REXO5: variants seen among roughly 807,000 people sequenced by gnomAD.
REXO5 encodes the protein exonuclease NEF-sp.
Under a neutral mutation model 88.5 loss-of-function variants are expected in REXO5, and 48 were observed. That is an observed-to-expected ratio of 0.54 (90% CI 0.43 to 0.69). The LOEUF (loss-of-function observed/expected upper bound fraction) is 0.69, where lower values mean the gene tolerates loss of function less well. Among genes scored for constraint, REXO5 ranks in the 30% least tolerant of loss-of-function variants. The pLI is 0.00. For synonymous variants in REXO5, 311 were observed against 336.5 expected, an observed-to-expected ratio of 0.92 and a Z score of 0.83; for missense variants, 749 against 912.2, an observed-to-expected ratio of 0.82 and a Z score of 2.30.
chr16:20,820,523 T>G (rs1366120265), intron 5 of REXO5, among the ~76,000 whole-genome samples: 3 of 5,260 alleles, frequency 5.7e-4, no homozygotes, highest in Non-Finnish European at 1.4e-3. Context: ...TATATATATA[T>G]ATATATATAT....
intron 11 of REXO5, among the ~76,000 whole-genome samples, chr16:20,828,914 A>G (rs1379423155): frequency 1.3e-5 from 2 of 151,548 alleles, no homozygotes; most frequent in African/African-American, 4.9e-5. Context: ...ACTGCACTCC[A>G]GCTTAGGTGA....
intron 18 of REXO5, among the ~76,000 whole-genome samples, chr16:20,845,549 G>A (rs998616457): frequency 3.9e-5 from 6 of 152,198 alleles, no homozygotes; most frequent in African/African-American, 1.2e-4. Context: ...ATATACACAA[G>A]ATAAATTGTG....
At chr16:20,813,344 C>CTTTTTTTTT (rs56875427) in intron 3 of REXO5, 42 bp downstream of exon 3, 5 of 643,994 alleles carry the variant, frequency 7.8e-6, no homozygotes, top group Admixed American at 3.3e-5. Flanking sequence ...CCAGCGGTTT[C>CTTTTTTTTT]TTTTTTTTTT....
intron 15 of REXO5, among the ~76,000 whole-genome samples, chr16:20,841,670 T>A (rs1156532589): frequency 6.6e-6 from 1 of 152,204 alleles, no homozygotes; most frequent in Non-Finnish European, 1.5e-5. Context: ...AGTGGTGCCA[T>A]CTTGGCTCAC....
chr16:20,830,838 A>G (rs1283786720), intron 11 of REXO5, among the ~76,000 whole-genome samples: 1 of 152,098 alleles, frequency 6.6e-6, no homozygotes, highest in African/African-American at 2.4e-5. Flanking sequence ...CAGGGGTTAC[A>G]CTTTTATAGT....
At chr16:20,847,419 G>A (rs1380826471) in intron 19 of REXO5, among the ~76,000 whole-genome samples, 6 of 141,152 alleles carry the variant, frequency 4.3e-5, no homozygotes, top group Admixed American at 2.2e-4. Flanking sequence ...CTGGGCTACA[G>A]AGTAAGACTC....
At chr16:20,812,771 G>A (rs1283590249) in intron 2 of REXO5, among the ~76,000 whole-genome samples, 1 of 152,120 alleles carries the variant, frequency 6.6e-6, no homozygotes, top group Non-Finnish European at 1.5e-5. Context: ...TCAAGGCTCA[G>A]CCTCAGTATT....
chr16:20,816,463 A>T (rs1350530344), intron 5 of REXO5, among the ~76,000 whole-genome samples: 1 of 151,970 alleles, frequency 6.6e-6, no homozygotes, highest in African/African-American at 2.4e-5. Context: ...GTAGCTGGGG[A>T]ACTACCAGCA....
intron 11 of REXO5, among the ~76,000 whole-genome samples, chr16:20,830,953 A>G (rs1024047771): frequency 2.0e-5 from 3 of 149,478 alleles, no homozygotes; most frequent in African/African-American, 7.4e-5. Context: ...ATAAAAAGCC[A>G]TTATATGTTA....
chr16:20,849,500 A>G lies in REXO5; in HGVS notation c.*20A>G, dbSNP rs1490878306. On this transcript the variant is annotated 3_prime_UTR_variant, in exon 20 of 20. Coordinates refer to ENST00000261377, the MANE Select transcript of REXO5 (RefSeq NM_030941.3). ...TCGTGAGTCGGCCTGCCATGTTTCC[A>G]TGTGCCATTTCTTACCCCTTGTAGG... is the stretch of plus-strand genomic sequence containing the variant. The G allele has an allele frequency of 6.2e-7, 1 of 1,612,296 alleles. No individual in the cohort carries two copies. The highest frequency in any genetic ancestry group is 1.1e-5 in the South Asian group (1 of 91,042).
intron 2 of REXO5, among the ~76,000 whole-genome samples, chr16:20,810,300 T>TA (rs1284887904): frequency 6.6e-6 from 1 of 152,234 alleles, no homozygotes; most frequent in African/African-American, 2.4e-5. Flanking sequence ...CACACATACT[T>TA]ACATTTAAAT....
intron 11 of REXO5, among the ~76,000 whole-genome samples, chr16:20,829,082 C>T (rs1267702765): frequency 6.6e-6 from 1 of 152,132 alleles, no homozygotes; most frequent in Non-Finnish European, 1.5e-5. Context: ...ATAGTCCCTG[C>T]AGTTGGGCTT....
intron 7 of REXO5, among the ~76,000 whole-genome samples, chr16:20,824,815 C>T (rs2081236846): frequency 2.0e-5 from 3 of 152,168 alleles, no homozygotes; most frequent in South Asian, 4.1e-4. Flanking sequence ...CAAGACCATC[C>T]TGGCCAACAT....
intron 13 of REXO5, among the ~76,000 whole-genome samples, chr16:20,834,495 T>C (rs1416310655): frequency 1.3e-5 from 2 of 152,166 alleles, no homozygotes; most frequent in African/African-American, 4.8e-5. Context: ...TGCGGGTTTA[T>C]CATTTTTATC....
intron 15 of REXO5, among the ~76,000 whole-genome samples, chr16:20,842,103 G>T (rs1432442461): frequency 6.6e-6 from 1 of 152,064 alleles, no homozygotes; most frequent in African/African-American, 2.4e-5. Flanking sequence ...GTGGCATTCA[G>T]TATGTTGATA....
intron 5 of REXO5, among the ~76,000 whole-genome samples, chr16:20,817,421 G>C (rs1191371615): frequency 2.0e-5 from 3 of 152,194 alleles, no homozygotes; most frequent in Non-Finnish European, 2.9e-5. Context: ...AAAGAAATCT[G>C]ACATGTTTGA....
chr16:20,834,377 G>C (rs1310784418), intron 13 of REXO5, among the ~76,000 whole-genome samples: 1 of 152,172 alleles, frequency 6.6e-6, no homozygotes, highest in Non-Finnish European at 1.5e-5. Context: ...AGTGAACTAT[G>C]ATCGCACCAC....
chr16:20,844,583 GGA>G (rs2081578226), intron 16 of REXO5, 44 bp from the exon 17 acceptor site: 2 of 1,556,414 alleles, frequency 1.3e-6, no homozygotes, highest in African/African-American at 1.4e-5. Context: ...ATAGGCCTGA[GGA>G]TTAAATTGAT....
intron 19 of REXO5, among the ~76,000 whole-genome samples, chr16:20,849,156 T>C (rs1046879655): frequency 1.3e-5 from 2 of 152,274 alleles, no homozygotes; most frequent in Admixed American, 6.5e-5. Context: ...AAATATTTCA[T>C]AGTTTTATAG....
Sources: gnomAD v4.1 joint callset for allele counts (sites outside exome capture counted in the v4.1 genomes callset) on GRCh38, gnomAD v4.1.1 for gene constraint, MANE v1.5 for transcripts, NCBI Gene and HGNC (gene_info 2026-07-23, HGNC 2026-07-21) for gene names.